The following SPATA31C1 variants were observed in gnomAD, a reference collection of about 807,000 sequenced individuals.
SPATA31C1 encodes the protein SPATA31 subfamily C member 1.
chr9:87,917,121 G>A (rs1225711604), intron 1 of SPATA31C1, among the ~76,000 whole-genome samples: 4 of 137,498 alleles, frequency 2.9e-5, no homozygotes, highest in Non-Finnish European at 6.3e-5. Flanking sequence ...GATTCAAAGT[G>A]AGATAGAAGG....
chr9:87,922,652 T>C, exon 5 of SPATA31C1: 1 of 1,608,614 alleles, frequency 6.2e-7, no homozygotes, highest in Non-Finnish European at 8.5e-7. Context: ...GCACGCCTAC[T>C]GGGAACATGC....
exon 5 of SPATA31C1, chr9:87,922,983 A>T: frequency 7.5e-7 from 1 of 1,339,450 alleles, no homozygotes; most frequent in Non-Finnish European, 1.0e-6. Flanking sequence ...TTTTGAGACG[A>T]TTTTTTCAAA....
rs1828812467 is a variant in SPATA31C1 at position 87,920,121 on chromosome 9, G to A, written n.642-131G>A. ...AGCCCTGGGGCGAGGGGTAGCAGGA[G>A]AATTGGGTGGTCAGGGTGTGGCGTG... On this transcript the variant is annotated intron_variant and non_coding_transcript_variant, in intron 4 of 4. Coordinates refer to ENST00000420021, the Ensembl canonical transcript of SPATA31C1. 1.9e-6 allele frequency: 3 copies of A among 1,601,314 alleles called. No homozygotes were observed. In the South Asian group the frequency reaches 3.3e-5, roughly 18 times the overall value.
At chr9:87,916,396 T>C (rs1326767445) in intron 1 of SPATA31C1, among the ~76,000 whole-genome samples, 1 of 148,296 alleles carries the variant, frequency 6.7e-6, no homozygotes, top group Non-Finnish European at 1.5e-5. Context: ...AATTGGATGT[T>C]ATCAAAATTT....
intron 1 of SPATA31C1, among the ~76,000 whole-genome samples, chr9:87,917,046 A>C (rs1178530540): frequency 7.8e-6 from 1 of 128,916 alleles, no homozygotes; most frequent in Non-Finnish European, 1.7e-5. Context: ...GGAACTTAAA[A>C]TAAATACATA....
exon 5 of SPATA31C1, chr9:87,921,585 C>A: frequency 6.2e-7 from 1 of 1,611,982 alleles, no homozygotes; most frequent in Middle Eastern, 2.3e-4. Flanking sequence ...CCTGAGGAAG[C>A]CCTTGAGGAG....
exon 5 of SPATA31C1, chr9:87,921,994 C>T (rs1828886137): frequency 6.2e-7 from 1 of 1,613,438 alleles, no homozygotes. Flanking sequence ...GGTCCCTCCT[C>T]AGACACCTGC....
exon 5 of SPATA31C1, chr9:87,921,135 A>T: frequency 6.2e-7 from 1 of 1,611,822 alleles, no homozygotes; most frequent in South Asian, 1.1e-5. Context: ...TTTGTTGAGG[A>T]AACAACTAGA....
rs1564137199 is a variant in SPATA31C1 at position 87,916,208 on chromosome 9, T to C, written n.189+1498T>C. ...GTAGACAATAAGAAAACCAATTAGA[T>C]ACCAATGGTGGTCAGATATGAAGAT... On this transcript the variant is annotated intron_variant and non_coding_transcript_variant, in intron 1 of 4. Coordinates refer to ENST00000420021, the Ensembl canonical transcript of SPATA31C1. Among the ~76,000 whole-genome samples, 2 of 133,512 alleles carry C rather than the reference T, an allele frequency of 1.5e-5. 1 individual carries two copies. The highest frequency in any genetic ancestry group is 4.7e-4 in the East Asian group (2 of 4,242). 87.6% of individuals were successfully genotyped at this position (133,512 alleles called of 152,430 possible). A position where few individuals can be genotyped will look rare whatever the true frequency, so the allele number is the denominator to read the frequency against.
chr9:87,921,983 T>G, exon 5 of SPATA31C1: 1 of 1,613,374 alleles, frequency 6.2e-7, no homozygotes, highest in Admixed American at 1.7e-5. Flanking sequence ...TACAGCTTGC[T>G]GGTCCCTCCT....
exon 5 of SPATA31C1, chr9:87,920,373 G>C (rs746818688): frequency 1.2e-6 from 2 of 1,614,002 alleles, no homozygotes; most frequent in South Asian, 2.2e-5. Flanking sequence ...GCCTATGGAA[G>C]ATGCTGCTCC....
At chr9:87,916,233 T>C (rs1477482853) in intron 1 of SPATA31C1, among the ~76,000 whole-genome samples, 3 of 131,718 alleles carry the variant, frequency 2.3e-5, no homozygotes, top group African/African-American at 8.6e-5. Flanking sequence ...GATATGAAGA[T>C]GGAGGAAGAC....
At chr9:87,919,485 A>G (rs1391650546) in intron 3 of SPATA31C1, 137 bp downstream of exon 2, 2 of 1,338,718 alleles carry the variant, frequency 1.5e-6, no homozygotes, top group Non-Finnish European at 2.0e-6. Flanking sequence ...TCCTTCTCAG[A>G]TTCTGTGCCG....
chr9:87,919,152 G>C, intron 2 of SPATA31C1, 103 bp from the exon 2 acceptor site: 1 of 1,538,260 alleles, frequency 6.5e-7, no homozygotes. Context: ...AGAGCTCCCT[G>C]AGCAAGACAG....
exon 5 of SPATA31C1, chr9:87,922,434 C>T (rs765420339): frequency 1.2e-6 from 2 of 1,610,332 alleles, no homozygotes; most frequent in Non-Finnish European, 1.7e-6. Context: ...AAGCTCTCTA[C>T]TCCCTAGAAT....
exon 5 of SPATA31C1, chr9:87,920,257 T>G: frequency 6.2e-7 from 1 of 1,613,416 alleles, no homozygotes; most frequent in South Asian, 1.1e-5. Flanking sequence ...TGCAGCCTCC[T>G]GGGGCCACAC....
chr9:87,921,663 AT>A, exon 5 of SPATA31C1: 2 of 1,612,026 alleles, frequency 1.2e-6, no homozygotes, highest in Non-Finnish European at 1.7e-6. Context: ...GAAAGCCCAC[AT>A]GGGCAGAAAG....
exon 5 of SPATA31C1, chr9:87,920,627 C>T (rs185881132): frequency 1.9e-6 from 3 of 1,613,852 alleles, no homozygotes; most frequent in Non-Finnish European, 8.5e-7. Context: ...CTCCTCCTCC[C>T]CTGCGGGACT....
chr9:87,915,597 G>T (rs1219064912), intron 1 of SPATA31C1, among the ~76,000 whole-genome samples: 2 of 145,512 alleles, frequency 1.4e-5, no homozygotes, highest in African/African-American at 5.0e-5. Flanking sequence ...CACCGCGCCC[G>T]GCTGATCCTT....
Sources: gnomAD v4.1 joint callset for allele counts (sites outside exome capture counted in the v4.1 genomes callset) on GRCh38, gnomAD v4.1.1 for gene constraint, MANE v1.5 for transcripts, NCBI Gene and HGNC (gene_info 2026-07-23, HGNC 2026-07-21) for gene names.